PDZD2: variants seen among roughly 807,000 people sequenced by gnomAD.
PDZD2 encodes the protein PDZ domain containing 2.
In PDZD2, 90 loss-of-function variants were observed where a neutral mutation model predicts 220.7. That is an observed-to-expected ratio of 0.41 (90% CI 0.34 to 0.49). The LOEUF is 0.49. Ranked by LOEUF, PDZD2 falls within the 20% of genes least tolerant of loss-of-function variation. The probability of loss-of-function intolerance (pLI) is 0.28; values close to 1 mark genes in which losing one functional copy is unlikely to be tolerated. For missense variants in PDZD2, 3,174 were observed against 3,608.5 expected (o/e 0.88, Z 3.08); for synonymous variants, 1,375 against 1,450.5 (o/e 0.95, Z 1.18).
At chr5:31,802,875 G>T (rs1262489509) in intron 2 of PDZD2, among the ~76,000 whole-genome samples, 2 of 143,146 alleles carry the variant, frequency 1.4e-5, no homozygotes, top group African/African-American at 5.3e-5. Flanking sequence ...AGCCGAGATT[G>T]CGCCACTGCA....
intron 1 of PDZD2, among the ~76,000 whole-genome samples, chr5:31,692,459 G>A (rs1344144229): frequency 1.3e-5 from 2 of 152,236 alleles, no homozygotes; most frequent in African/African-American, 2.4e-5. Flanking sequence ...GCCAAAGTGG[G>A]AGCCCAGGCA....
chr5:31,809,815 A>T (rs1171670127), intron 2 of PDZD2, among the ~76,000 whole-genome samples: 2 of 152,206 alleles, frequency 1.3e-5, no homozygotes. Context: ...ACTTTCCATC[A>T]TTTAAAGAGG....
chr5:31,919,858 AT>A lies in PDZD2; in HGVS notation c.477-63286del, dbSNP rs3037133. Among the ~76,000 whole-genome samples the A allele has an allele frequency of 3.4e-3, 503 of 148,568 alleles. 2 individuals are homozygous for A. The highest frequency in any genetic ancestry group is 0.012 in the African/African-American group (482 of 40,238). On this transcript the variant is annotated intron_variant, in intron 2 of 24. Transcript: ENST00000438447. ...TAGTAAAACCTGTCTCTAAAAAACA[AT>A]TTTTTTTTTTATGAACCAGGCGTGG...
At chr5:31,877,461 T>C (rs893428822) in intron 2 of PDZD2, among the ~76,000 whole-genome samples, 3 of 152,110 alleles carry the variant, frequency 2.0e-5, no homozygotes, top group African/African-American at 7.2e-5. Context: ...TCAAGTTATC[T>C]GTCTCCCTCG....
intron 2 of PDZD2, among the ~76,000 whole-genome samples, chr5:31,827,737 T>A (rs2150264271): frequency 6.6e-6 from 1 of 151,734 alleles, no homozygotes; most frequent in South Asian, 2.1e-4. Context: ...TTAAAATGGC[T>A]TTACTGAGAT....
intron 2 of PDZD2, among the ~76,000 whole-genome samples, chr5:31,808,564 G>A (rs10472784): frequency 0.014 from 2,074 of 152,286 alleles, 38 homozygotes; most frequent in African/African-American, 0.047. Flanking sequence ...CTACCAAGGT[G>A]GAAACTGAGG....
At chr5:31,965,235 A>G (rs981668864) in intron 2 of PDZD2, among the ~76,000 whole-genome samples, 1 of 152,220 alleles carries the variant, frequency 6.6e-6, no homozygotes, top group African/African-American at 2.4e-5. Flanking sequence ...GAGAGCTCCA[A>G]AGCCAAAAGA....
At chr5:31,735,932 G>A (rs1749833061) in intron 1 of PDZD2, among the ~76,000 whole-genome samples, 1 of 152,148 alleles carries the variant, frequency 6.6e-6, no homozygotes, top group Admixed American at 6.6e-5. Flanking sequence ...GGGATAGAGT[G>A]AGAATCTGTC....
chr5:31,898,808 CT>C (rs35589628), intron 2 of PDZD2, among the ~76,000 whole-genome samples: 8,767 of 123,394 alleles, frequency 0.071, 257 homozygotes, highest in East Asian at 0.2. Flanking sequence ...AGCCTCTCTT[CT>C]TTTTTTTTTT....
In PDZD2 at chr5:31,701,939, G is replaced by C. The variant is rs140706017; in HGVS notation, c.-361+62502G>C. Among the ~76,000 whole-genome samples the C allele has an allele frequency of 1.5e-3, 228 of 152,286 alleles. 1 individual carries two copies. The highest frequency in any genetic ancestry group is 5.1e-3 in the African/African-American group (214 of 41,564). On this transcript the variant is annotated intron_variant, in intron 1 of 24. Transcript: ENST00000438447. ...CCTCCCTGCTTTCCCCTCCACCTCA[G>C]ACATCAGGATTTGAGGGGAAACAAT...
chr5:31,821,743 T>C (rs916368783), intron 2 of PDZD2, among the ~76,000 whole-genome samples: 3 of 152,080 alleles, frequency 2.0e-5, no homozygotes, highest in African/African-American at 7.2e-5. Flanking sequence ...ATTTGTTACA[T>C]AGGTATACAT....
chr5:31,745,720 T>C (rs2150171478), intron 1 of PDZD2, among the ~76,000 whole-genome samples: 1 of 152,266 alleles, frequency 6.6e-6, no homozygotes, highest in African/African-American at 2.4e-5. Context: ...CTATTTCTAG[T>C]TGTATTAGGT....
chr5:31,703,957 TTCTCTC>T (rs10652328), intron 1 of PDZD2, among the ~76,000 whole-genome samples: 5 of 149,376 alleles, frequency 3.3e-5, no homozygotes, highest in Admixed American at 1.3e-4. Context: ...TTCTCTCTCT[TTCTCTC>T]TCTCTCTCTC....
At chr5:31,643,782 A>C (rs1156462491) in intron 1 of PDZD2, among the ~76,000 whole-genome samples, 1 of 152,180 alleles carries the variant, frequency 6.6e-6, no homozygotes, top group East Asian at 1.9e-4. Flanking sequence ...CTAAACACTA[A>C]GTAGATATGT....
intron 2 of PDZD2, among the ~76,000 whole-genome samples, chr5:31,818,886 T>C (rs969645714): frequency 2.0e-5 from 3 of 152,326 alleles, no homozygotes; most frequent in African/African-American, 7.2e-5. Context: ...ACTCAACAGA[T>C]ATAATTTTTT....
At position 32,021,521 on chromosome 5, in the gene PDZD2, T is replaced by C. The variant is rs1004822984; in HGVS notation, c.1407+11039T>C. Among the ~76,000 whole-genome samples, 150 of 151,988 alleles carry C rather than the reference T, an allele frequency of 9.9e-4. 1 individual carries two copies. Among genetic ancestry groups the C allele is most frequent in the Middle Eastern group, 3.4e-3 (1 of 294 alleles). ...CCATGTTGGCCAGGCTGGTCTTTAA[T>C]TCCTGACCTCAAGTGATCCACCTGC... On this transcript the variant is annotated intron_variant, in intron 6 of 24. Coordinates refer to ENST00000438447, the MANE Select transcript of PDZD2 (RefSeq NM_178140.4).
At chr5:32,028,297 A>G (rs1754834645) in intron 6 of PDZD2, among the ~76,000 whole-genome samples, 1 of 152,112 alleles carries the variant, frequency 6.6e-6, no homozygotes, top group African/African-American at 2.4e-5. Flanking sequence ...CAGTTACAGG[A>G]TATTTCTAAG....
In PDZD2 at chr5:31,920,402, C is replaced by T. The variant is rs537806785; in HGVS notation, c.477-62753C>T. On this transcript the variant is annotated intron_variant, in intron 2 of 24. Transcript: ENST00000438447. ...CCCCATGATCAACGCCCCCCCCCCC[C>T]ACTGGGGTGGTGCATTTGTTAAAAT... Among the ~76,000 whole-genome samples the T allele has an allele frequency of 1.7e-4, 23 of 137,278 alleles. No homozygotes were observed. The South Asian group carries it at 3.9e-3, about 23-fold the overall frequency. The allele number at this position is 137,278 out of a possible 152,430, so 90.1% of individuals were successfully genotyped here.
intron 1 of PDZD2, among the ~76,000 whole-genome samples, chr5:31,733,035 A>G (rs1749630588): frequency 6.6e-6 from 1 of 152,212 alleles, no homozygotes. Context: ...GGCCGGGAGC[A>G]GCTTTTTAAA....
Sources: gnomAD v4.1 joint callset for allele counts (sites outside exome capture counted in the v4.1 genomes callset) on GRCh38, gnomAD v4.1.1 for gene constraint, MANE v1.5 for transcripts, NCBI Gene and HGNC (gene_info 2026-07-23, HGNC 2026-07-21) for gene names.